Variants in BACH2 observed in about 807,000 individuals in gnomAD.
BACH2 encodes the protein transcription regulator protein BACH2.
Under a neutral mutation model 61.8 loss-of-function variants are expected in BACH2, and 5 were observed. That is an observed-to-expected ratio of 0.08 (90% CI 0.04 to 0.17). The LOEUF (loss-of-function observed/expected upper bound fraction) is 0.17. Among genes scored for constraint, BACH2 ranks in the 10% least tolerant of loss-of-function variants. The probability of loss-of-function intolerance (pLI) is 1.00; values close to 1 mark genes in which losing one functional copy is unlikely to be tolerated. For missense variants in BACH2, 824 were observed against 1,091.1 expected (o/e 0.76, Z 3.45); for synonymous variants, 446 against 440.1 (o/e 1.01, Z -0.17).
intron 6 of BACH2, among the ~76,000 whole-genome samples, chr6:89,995,267 T>C (rs1462201947): frequency 1.4e-5 from 2 of 145,294 alleles, no homozygotes; most frequent in Non-Finnish European, 3.0e-5. Flanking sequence ...CGACCCCAGA[T>C]TTGTCCCTTT....
chr6:90,269,705 T>G (rs1422983907), intron 2 of BACH2, among the ~76,000 whole-genome samples: 1 of 152,140 alleles, frequency 6.6e-6, no homozygotes, highest in Non-Finnish European at 1.5e-5. Flanking sequence ...CTAAAACAAA[T>G]AGCAGCCCCA....
At chr6:90,177,777 G>A (rs1056754899) in intron 4 of BACH2, among the ~76,000 whole-genome samples, 1 of 152,120 alleles carries the variant, frequency 6.6e-6, no homozygotes, top group Non-Finnish European at 1.5e-5. Flanking sequence ...CCTCATGGGG[G>A]AAATGCCATC....
At chr6:90,063,470 T>C (rs534357940) in intron 5 of BACH2, among the ~76,000 whole-genome samples, 2 of 152,246 alleles carry the variant, frequency 1.3e-5, no homozygotes, top group East Asian at 1.9e-4. Context: ...GGCCAAATGA[T>C]GTGCATATAA....
intron 5 of BACH2, among the ~76,000 whole-genome samples, chr6:90,068,792 C>T (rs1781086200): frequency 6.6e-6 from 1 of 152,108 alleles, no homozygotes; most frequent in Admixed American, 6.5e-5. Context: ...CTAAGGGATG[C>T]ACCTGGAGAG....
chr6:90,115,927 T>A (rs143231823), intron 4 of BACH2, among the ~76,000 whole-genome samples: 152 of 152,160 alleles, frequency 1.0e-3, no homozygotes, highest in Non-Finnish European at 1.9e-3. Context: ...AAGGTCAATA[T>A]CACTGATTAT....
chr6:90,147,577 G>A (rs1033409342), intron 4 of BACH2, among the ~76,000 whole-genome samples: 1 of 152,122 alleles, frequency 6.6e-6, no homozygotes, highest in African/African-American at 2.4e-5. Flanking sequence ...CTTCTTCTAA[G>A]GAGCATATGG....
intron 8 of BACH2, 120 bp downstream of exon 8, chr6:89,938,024 A>C: frequency 2.2e-6 from 2 of 922,004 alleles, no homozygotes; most frequent in Non-Finnish European, 3.3e-6. Context: ...TTCTTAAAAA[A>C]TAAACCCAAA....
At position 89,951,326 on chromosome 6, in the gene BACH2, A is replaced by G; in HGVS notation, c.780T>C (p.Asp260=). The G allele has an allele frequency of 6.2e-7, 1 of 1,614,186 alleles. No homozygotes were observed. The highest frequency in any genetic ancestry group is 8.5e-7 in the Non-Finnish European group (1 of 1,180,038). Residue 260 remains aspartate (D), a synonymous_variant, in exon 7 of 9, where the codon GAT becomes GAC. Coordinates refer to ENST00000257749, the MANE Select transcript of BACH2 (RefSeq NM_021813.4). This position sits in a 1 kb window ranked among gnomAD's most constrained non-coding sequence, Gnocchi z 6.4. ...TSGFASTFRE[D]NSSNSLKPGL... Reference sequence around the variant, plus strand: ...CCGGCTTGAGGCTGTTGCTAGAGTTATCTTCCCGGAATGTGCTTGCAAAAC... The same window carrying G: ...CCGGCTTGAGGCTGTTGCTAGAGTTGTCTTCCCGGAATGTGCTTGCAAAAC...
intron 5 of BACH2, among the ~76,000 whole-genome samples, chr6:90,010,238 G>C (rs1777635949): frequency 6.6e-6 from 1 of 152,154 alleles, no homozygotes; most frequent in African/African-American, 2.4e-5. Flanking sequence ...TAAGGCCCTT[G>C]TAATAATTTT....
chr6:90,197,581 C>T (rs938615347), intron 4 of BACH2, among the ~76,000 whole-genome samples: 7 of 152,074 alleles, frequency 4.6e-5, no homozygotes, highest in African/African-American at 1.2e-4. Context: ...ATCCCCTGGC[C>T]GTTGTTGTAG....
At chr6:90,208,478 A>C (rs927807507) in intron 3 of BACH2, among the ~76,000 whole-genome samples, 3 of 152,246 alleles carry the variant, frequency 2.0e-5, no homozygotes, top group Admixed American at 2.0e-4. Flanking sequence ...GTCATTAGAG[A>C]AATGCAAATC....
chr6:90,233,184 A>G (rs549558991), intron 3 of BACH2, among the ~76,000 whole-genome samples: 2 of 152,346 alleles, frequency 1.3e-5, no homozygotes, highest in South Asian at 4.1e-4. Flanking sequence ...GATCATGAGG[A>G]GGTGAGAAGC....
chr6:89,938,474 A>G (rs1389032850), intron 7 of BACH2, 124 bp from the exon 8 acceptor site: 1 of 737,026 alleles, frequency 1.4e-6, no homozygotes, highest in Admixed American at 2.8e-5. Flanking sequence ...ACTGAAAGCA[A>G]GCAGTGATTA....
rs1042441771 is a variant in BACH2, at chr6:89,944,073, C to T, written c.1837-5723G>A. On this transcript the variant is annotated intron_variant, in intron 7 of 8. Transcript: ENST00000257749. ...TGTTTCTCGCGCAATTGTCCTTCCA[C>T]GCCCTCTTCTCATGGTCCAGTTTCT... Among the ~76,000 whole-genome samples the T allele has an allele frequency of 3.3e-5, 5 of 152,352 alleles. 1 individual carries two copies. Among genetic ancestry groups the T allele is most frequent in the African/African-American group, 7.2e-5 (3 of 41,580 alleles).
chr6:89,959,408 C>G (rs1195970198), intron 6 of BACH2, among the ~76,000 whole-genome samples: 1 of 152,292 alleles, frequency 6.6e-6, no homozygotes, highest in East Asian at 1.9e-4. Context: ...CAATTATTCT[C>G]AGGAATTCTT....
intron 5 of BACH2, among the ~76,000 whole-genome samples, chr6:90,041,302 T>C (rs1779521393): frequency 6.6e-6 from 1 of 150,886 alleles, no homozygotes; most frequent in African/African-American, 2.4e-5. Flanking sequence ...ATAAATAATA[T>C]ATATAATAAT....
rs569057890 is a variant in BACH2 at position 90,084,311 on chromosome 6, G to A, written c.-13+4650C>T. Among the ~76,000 whole-genome samples, 6 of 152,088 alleles carry A rather than the reference G, an allele frequency of 3.9e-5. No homozygotes were observed. The South Asian group carries it at 6.2e-4, about 16-fold the overall frequency. ...TCTCTACTTTATGTCATTTTGTCTC[G>A]GTGACTGCTGGTTTGATGCTCTTCT... is the stretch of plus-strand genomic sequence containing the variant. On this transcript the variant is annotated intron_variant, in intron 5 of 8. Coordinates refer to ENST00000257749, the MANE Select transcript of BACH2 (RefSeq NM_021813.4).
chr6:90,126,442 A>C (rs187981409), intron 4 of BACH2, among the ~76,000 whole-genome samples: 84 of 152,318 alleles, frequency 5.5e-4, no homozygotes, highest in Non-Finnish European at 1.1e-3. Context: ...CCACAGTTAC[A>C]AAGAGTTGTA....
intron 5 of BACH2, among the ~76,000 whole-genome samples, chr6:90,021,135 C>A (rs1237988252): frequency 6.6e-6 from 1 of 151,988 alleles, no homozygotes; most frequent in Non-Finnish European, 1.5e-5. Context: ...TATTCATCCC[C>A]TTAAGAAGCT....
Sources: gnomAD v4.1 joint callset for allele counts (sites outside exome capture counted in the v4.1 genomes callset) on GRCh38, gnomAD v4.1.1 for gene constraint, Gnocchi (gnomAD v3.1) non-coding constraint, MANE v1.5 for transcripts, NCBI Gene and HGNC (gene_info 2026-07-23, HGNC 2026-07-21) for gene names.